NCKAP5: variants seen among roughly 807,000 people sequenced by gnomAD.
NCKAP5 encodes the protein NCK associated protein 5.
NCKAP5 carries 92 observed loss-of-function variants against 167.0 expected under a neutral mutation model. That is an observed-to-expected ratio of 0.55 (90% confidence interval 0.47 to 0.66). The LOEUF (loss-of-function observed/expected upper bound fraction) is 0.66, where lower values mean the gene tolerates loss of function less well. Ranked by LOEUF, NCKAP5 falls within the 30% of genes least tolerant of loss-of-function variation. NCKAP5 has a pLI of 0.00. For missense variants in NCKAP5, 2,378 were observed against 2,315.0 expected, an observed-to-expected ratio of 1.03 and a Z score of -0.56; for synonymous variants, 891 against 877.4, an observed-to-expected ratio of 1.02 and a Z score of -0.27.
intron 7 of NCKAP5, among the ~76,000 whole-genome samples, chr2:132,988,849 A>T (rs2077372012): frequency 6.6e-6 from 1 of 152,218 alleles, no homozygotes; most frequent in African/African-American, 2.4e-5. Context: ...GGCCTACTTT[A>T]GCTATTTACA....
chr2:133,254,171 G>A (rs2088499070), intron 4 of NCKAP5, among the ~76,000 whole-genome samples: 1 of 152,194 alleles, frequency 6.6e-6, no homozygotes, highest in African/African-American at 2.4e-5. Flanking sequence ...CCTGTGGCAT[G>A]CTGTGATCTA....
intron 8 of NCKAP5, among the ~76,000 whole-genome samples, chr2:132,952,458 C>G (rs185806937): frequency 4.3e-4 from 65 of 152,294 alleles, no homozygotes; most frequent in African/African-American, 1.4e-3. Flanking sequence ...AGACCCCCCC[C>G]ACTCCTTGGC....
intron 3 of NCKAP5, among the ~76,000 whole-genome samples, chr2:133,332,662 T>C (rs2150731230): frequency 6.6e-6 from 1 of 152,324 alleles, no homozygotes; most frequent in African/African-American, 2.4e-5. Context: ...CTGAGATTAA[T>C]GATAAAGTAA....
the NCKAP5 span, among the ~76,000 whole-genome samples, chr2:133,639,257 G>A: frequency 1.3e-5 from 2 of 152,152 alleles, no homozygotes; most frequent in African/African-American, 4.8e-5. Flanking sequence ...GGAACAAATG[G>A]CAACCCCAAT....
intron 6 of NCKAP5, among the ~76,000 whole-genome samples, chr2:133,007,958 T>C (rs1426361779): frequency 6.6e-6 from 1 of 152,196 alleles, no homozygotes; most frequent in East Asian, 1.9e-4. Context: ...GGGTAGCTGG[T>C]AAACTTAGTC....
chr2:133,380,915 C>T (rs1232572737), intron 3 of NCKAP5, among the ~76,000 whole-genome samples: 1 of 152,202 alleles, frequency 6.6e-6, no homozygotes, highest in Non-Finnish European at 1.5e-5. Flanking sequence ...GAAAAGTAGA[C>T]ATTTTACATA....
the NCKAP5 span, among the ~76,000 whole-genome samples, chr2:133,633,015 G>A: frequency 3.2e-4 from 48 of 152,254 alleles, 1 homozygote; most frequent in South Asian, 9.5e-3. Flanking sequence ...TTCCTTTGGG[G>A]CACTCCTCAG....
intron 3 of NCKAP5, among the ~76,000 whole-genome samples, chr2:133,386,114 T>C (rs887444692): frequency 6.6e-6 from 1 of 152,200 alleles, no homozygotes; most frequent in Non-Finnish European, 1.5e-5. Context: ...TGCTCTTGCT[T>C]CTCTAGTTAT....
intron 4 of NCKAP5, among the ~76,000 whole-genome samples, chr2:133,277,605 A>T (rs533697040): frequency 6.6e-6 from 1 of 152,204 alleles, no homozygotes; most frequent in Non-Finnish European, 1.5e-5. Flanking sequence ...AATTAACACG[A>T]TACCAATAAA....
intron 2 of NCKAP5, among the ~76,000 whole-genome samples, chr2:133,547,192 C>T (rs921133736): frequency 3.9e-5 from 6 of 152,180 alleles, no homozygotes; most frequent in African/African-American, 1.2e-4. Flanking sequence ...CGGCGCGCCA[C>T]GAGATTATAT....
At chr2:132,834,193 T>C (rs1687719899) in intron 11 of NCKAP5, among the ~76,000 whole-genome samples, 1 of 152,202 alleles carries the variant, frequency 6.6e-6, no homozygotes, top group Non-Finnish European at 1.5e-5. Context: ...CCAATTTTGT[T>C]GCCCTTTATT....
rs146440134 is a variant in NCKAP5, at chr2:133,560,145, T to C, written c.-129-1028A>G. On this transcript the variant is annotated intron_variant, in intron 1 of 19. Transcript: ENST00000409261. ...GCTTTGTGCCCCGAGTCCACAGGCA[T>C]TTTGACTGCATGAGATTTGAATGCC... 9.8e-4 allele frequency among the ~76,000 whole-genome samples: 150 copies of C among 152,324 alleles called. 1 individual carries two copies. The highest frequency in any genetic ancestry group is 3.4e-3 in the African/African-American group (140 of 41,590).
At position 133,024,339 on chromosome 2, in the gene NCKAP5, T is replaced by C. The variant is rs139885461; in HGVS notation, c.342-30100A>G. 3.9e-3 allele frequency among the ~76,000 whole-genome samples: 596 copies of C among 152,318 alleles called. 5 individuals are homozygous for C. Among genetic ancestry groups the C allele is most frequent in the African/African-American group, 0.013 (552 of 41,590 alleles). On this transcript the variant is annotated intron_variant, in intron 6 of 19. Coordinates refer to ENST00000409261, the MANE Select transcript of NCKAP5 (RefSeq NM_207363.3). ...CTAAGAATGACAACTATCAGACCTT[T>C]ACAAGATATCAAATGAGAATAATTC...
At chr2:133,629,940 A>G in the NCKAP5 span, among the ~76,000 whole-genome samples, 1 of 152,148 alleles carries the variant, frequency 6.6e-6, no homozygotes, top group South Asian at 2.1e-4. Context: ...ATGAGAATAC[A>G]TGGACACAGA....
At chr2:132,781,632 C>T (rs1235177233) in intron 14 of NCKAP5, among the ~76,000 whole-genome samples, 2 of 152,192 alleles carry the variant, frequency 1.3e-5, no homozygotes, top group Non-Finnish European at 2.9e-5. Flanking sequence ...CCATTTCACG[C>T]CATCTGGGTA....
intron 11 of NCKAP5, among the ~76,000 whole-genome samples, chr2:132,806,992 A>G (rs2105238540): frequency 6.6e-6 from 1 of 152,270 alleles, no homozygotes; most frequent in South Asian, 2.1e-4. Context: ...CAATTATCCT[A>G]GCACCATTTG....
At chr2:132,970,618 G>T (rs1449346054) in intron 7 of NCKAP5, among the ~76,000 whole-genome samples, 2 of 152,070 alleles carry the variant, frequency 1.3e-5, no homozygotes, top group African/African-American at 2.4e-5. Context: ...TGCATCGAAG[G>T]GTTTATATTA....
At chr2:133,591,862 T>C in the NCKAP5 span, among the ~76,000 whole-genome samples, 2 of 152,218 alleles carry the variant, frequency 1.3e-5, no homozygotes, top group Non-Finnish European at 2.9e-5. Context: ...ATGTTTATGA[T>C]ATGAACTTTT....
chr2:132,955,539 T>G (rs1458404985), intron 8 of NCKAP5, among the ~76,000 whole-genome samples: 1 of 152,244 alleles, frequency 6.6e-6, no homozygotes. Flanking sequence ...TGCCACATTT[T>G]CTTTATCCAG....
Sources: gnomAD v4.1 joint callset for allele counts (sites outside exome capture counted in the v4.1 genomes callset) on GRCh38, gnomAD v4.1.1 for gene constraint, MANE v1.5 for transcripts, NCBI Gene and HGNC (gene_info 2026-07-23, HGNC 2026-07-21) for gene names.